Variants in WDR18 observed in about 807,000 individuals in gnomAD.
WDR18 encodes WD repeat-containing protein 18.
Under a neutral mutation model 49.6 loss-of-function variants are expected in WDR18, and 33 were observed. The ratio of observed to expected loss-of-function variants is 0.67; its 90% CI spans 0.50 to 0.89. The LOEUF (loss-of-function observed/expected upper bound fraction) is 0.89. Ranked by LOEUF, WDR18 falls within the 40% of genes least tolerant of loss-of-function variation. The pLI is 0.00. For synonymous variants in WDR18, 315 were observed against 263.6 expected (o/e 1.19, Z -1.89); for missense variants, 653 against 593.6 (o/e 1.10, Z -1.04).
At chr19:992,248 C>A in intron 8 of WDR18, 127 bp downstream of exon 8, 1 of 1,196,224 alleles carries the variant, frequency 8.4e-7, no homozygotes, top group Non-Finnish European at 1.1e-6. Context: ...CACTGGAGGG[C>A]GCGTCCTGTG....
chr19:992,217 G>A (rs2038568802), intron 8 of WDR18, 96 bp downstream of exon 8: 2 of 1,355,814 alleles, frequency 1.5e-6, no homozygotes, highest in Non-Finnish European at 1.9e-6. Flanking sequence ...GCGCCCGTGC[G>A]GCGGTTCCCC....
At position 994,065 on chromosome 19, in the gene WDR18, G is replaced by T; in HGVS notation, c.1144G>T (p.Val382Phe). 1 of 1,560,326 alleles carries T rather than the reference G, an allele frequency of 6.4e-7. No homozygotes were observed. ...YLDRTEQLQA[V>F]LCSTMEKSVL... ...GGACCGCACGGAGCAGCTGCAGGCC[G>T]TCCTGTGCAGCACCATGGAGAAGGT... Residue 382 changes from valine (V) to phenylalanine (F), a missense_variant, in exon 9 of 10, where the codon GTC becomes TTC. Coordinates refer to ENST00000585809, the MANE Select transcript of WDR18 (RefSeq NM_024100.4).
In WDR18 at chr19:992,027, C is replaced by T. The variant is rs753802378; in HGVS notation, c.1004C>T (p.Pro335Leu). Residue 335 changes from proline to leucine, a missense_variant, in exon 8 of 10, where the codon CCG (proline) becomes CTG (leucine). Physicochemically the swap from Pro to Leu is moderately conservative, Grantham distance 98. Coordinates refer to ENST00000585809, the MANE Select transcript of WDR18 (RefSeq NM_024100.4). ...MLSSDFRPSL[P>L]LPHFNKHLLG... Reference sequence around the variant, plus strand: ...AGCTCAGACTTCAGGCCCAGCCTGCCGCTGCCCCACTTCAACAAGCACCTG... The same window carrying T: ...AGCTCAGACTTCAGGCCCAGCCTGCTGCTGCCCCACTTCAACAAGCACCTG... The T allele has an allele frequency of 4.5e-5, 71 of 1,593,280 alleles. No individual in the cohort carries two copies. The highest frequency in any genetic ancestry group is 5.6e-5 in the Non-Finnish European group (66 of 1,173,994).
chr19:990,436 G>T, intron 4 of WDR18, 72 bp downstream of exon 4: 1 of 1,449,336 alleles, frequency 6.9e-7, no homozygotes, highest in Non-Finnish European at 9.1e-7. Context: ...CAGGAATGCA[G>T]GAATCGCCTC....
chr19:990,643 C>A, intron 4 of WDR18: 1 of 835,190 alleles, frequency 1.2e-6, no homozygotes, highest in Non-Finnish European at 1.8e-6. Context: ...GAGGGAGAAC[C>A]AGGGGTCATC....
chr19:987,830 T>A (rs1392401322), intron 2 of WDR18, among the ~76,000 whole-genome samples: 1 of 20,282 alleles, frequency 4.9e-5, no homozygotes. Flanking sequence ...CCGCCTCCAG[T>A]TTTTTTTTTT....
chr19:994,257 G>A lies in WDR18; in HGVS notation c.1212G>A (p.Glu404=), dbSNP rs1246863116. Residue 404 remains glutamate, a synonymous_variant, in exon 10 of 10, where the codon GAG becomes GAA. Coordinates refer to ENST00000585809, the MANE Select transcript of WDR18 (RefSeq NM_024100.4). ...ACCAGCTGCGCGTCCGTGTGACGGA[G>A]CTGGAGGACGAGGTGCGCAACCTGC... is the stretch of plus-strand genomic sequence containing the variant. ...GQDQLRVRVT[E]LEDEVRNLRK... is the part of the protein sequence containing the mutation. 6 of 1,609,004 alleles carry A rather than the reference G, an allele frequency of 3.7e-6. No individual in the cohort carries two copies. The South Asian group carries it at 5.5e-5, about 15-fold the overall frequency.
At chr19:985,585 G>A (rs1376535616) in intron 1 of WDR18, among the ~76,000 whole-genome samples, 1 of 152,110 alleles carries the variant, frequency 6.6e-6, no homozygotes, top group African/African-American at 2.4e-5. Context: ...TGTCCTTCTG[G>A]ATCCTCTTTG....
rs560095634 is a variant in WDR18, at chr19:987,268, G to A, written c.321+1293G>A. 1.2e-4 allele frequency among the ~76,000 whole-genome samples: 19 copies of A among 152,224 alleles called. 1 individual carries two copies. The Middle Eastern group carries it at 0.02, about 164-fold the overall frequency. The stretch of plus-strand genomic sequence containing the variant: ...TGAGGCATGAGAATCACTTGAATCC[G>A]AGAGGCGGAAGTTGCAGTGAGATGA... On this transcript the variant is annotated intron_variant, in intron 2 of 9. Coordinates refer to ENST00000585809, the MANE Select transcript of WDR18 (RefSeq NM_024100.4).
In WDR18 at chr19:985,963, C is replaced by A. The variant is rs1234335471; in HGVS notation, c.309C>A (p.Ile103=). 1 of 1,613,658 alleles carries A rather than the reference C, an allele frequency of 6.2e-7. No individual in the cohort carries two copies. The highest frequency in any genetic ancestry group is 1.1e-5 in the South Asian group (1 of 91,084). ...TCCTGGCAGGAGTTGCAGAAAGCAT[C>A]CACCTGTGGGAGGTAAGAGGAGCAA... The part of the protein sequence containing the change: ...LYVLAGVAES[I]HLWEVSTGNL... The change falls in exon 2 of 10, where the codon ATC becomes ATA. Residue 103 remains isoleucine, a synonymous_variant. Transcript: ENST00000585809.
intron 4 of WDR18, 94 bp downstream of exon 4, chr19:990,458 T>G: frequency 7.1e-7 from 1 of 1,411,186 alleles, no homozygotes. Context: ...TCCCGCTCCC[T>G]GCTGTCAGGA....
intron 8 of WDR18, among the ~76,000 whole-genome samples, chr19:992,741 CTGGGG>C (rs1466183999): frequency 6.6e-6 from 1 of 152,178 alleles, no homozygotes; most frequent in Non-Finnish European, 1.5e-5. Flanking sequence ...CTGGGCTGGG[CTGGGG>C]TGGGGGCTGG....
chr19:990,570 C>G, intron 4 of WDR18: 2 of 899,632 alleles, frequency 2.2e-6, no homozygotes, highest in Non-Finnish European at 3.2e-6. Flanking sequence ...TGGCCCGGCT[C>G]CCTGGCCAAG....
At chr19:984,306 C>A (rs774283230), upstream of WDR18, 3 of 1,508,072 alleles carry the variant, frequency 2.0e-6, no homozygotes, top group South Asian at 1.3e-5. Context: ...GGCAGTCGTC[C>A]GCGTCTCGCT....
rs1457159413 is a variant in WDR18, at chr19:991,512, A to C, written c.931+161A>C. ...GGGCGGGGCCTGGCTGGGGGAGTGG[A>C]CTGGCTGTGGGGCGTGGGCTGGCTT... On this transcript the variant is annotated intron_variant, in intron 7 of 9. Transcript: ENST00000585809. 4.2e-5 allele frequency among the ~76,000 whole-genome samples: 2 copies of C among 47,194 alleles called. 1 individual carries two copies. Among genetic ancestry groups the C allele is most frequent in the African/African-American group, 1.7e-4 (2 of 12,090 alleles). 31.0% of individuals were successfully genotyped at this position (47,194 alleles called of 152,430 possible).
chr19:983,305 T>C (rs186166048), upstream of WDR18, among the ~76,000 whole-genome samples: 148 of 152,170 alleles, frequency 9.7e-4, no homozygotes, highest in African/African-American at 3.3e-3. Flanking sequence ...ATAATAGATA[T>C]ATGTTTTTCT....
At chr19:986,337 G>A (rs192570888) in intron 2 of WDR18, among the ~76,000 whole-genome samples, 1 of 152,278 alleles carries the variant, frequency 6.6e-6, no homozygotes, top group East Asian at 1.9e-4. Flanking sequence ...GGCTCATGCC[G>A]GTAGTCAATG....
rs777046847 is a variant in WDR18, at chr19:985,895, G to C, written c.241G>C (p.Gly81Arg). 4 of 1,613,882 alleles carry C rather than the reference G, an allele frequency of 2.5e-6. No homozygotes were observed. The highest frequency in any genetic ancestry group is 4.5e-5 in the East Asian group (2 of 44,890). Residue 81 changes from glycine to arginine, a missense_variant, in exon 2 of 10, where the codon GGG (glycine) becomes CGG (arginine). Transcript: ENST00000585809. ...GCTCCAGCAGAAGATCATGTGCCCC[G>C]GGCCTGTCACCTGTCTGACTGCATC... ...DQLQQKIMCP[G>R]PVTCLTASPN...
intron 7 of WDR18, 25 bp downstream of exon 7, chr19:991,376 C>A (rs763091799): frequency 1.4e-5 from 20 of 1,481,028 alleles, no homozygotes; most frequent in South Asian, 4.9e-5. Flanking sequence ...GCTCGGCCCG[C>A]GGCCAGCGCG....
Sources: allele counts gnomAD v4.1 joint callset (sites outside exome capture counted in the v4.1 genomes callset), GRCh38; gene constraint gnomAD v4.1.1; transcripts MANE v1.5; gene names NCBI Gene and HGNC (gene_info 2026-07-23, HGNC 2026-07-21).